The following NLGN3 variants were observed in gnomAD, a reference collection of about 807,000 sequenced individuals.
NLGN3 encodes neuroligin-3.
In NLGN3, 11 loss-of-function variants were observed where a neutral mutation model predicts 42.9. That is an observed-to-expected ratio of 0.26 (90% CI 0.16 to 0.42). The LOEUF is 0.42. Among genes scored for constraint, NLGN3 ranks in the 10% least tolerant of loss-of-function variants. The pLI, the probability that NLGN3 is intolerant of heterozygous loss-of-function variation, is 1.00. For missense variants in NLGN3, 374 were observed against 733.8 expected, an observed-to-expected ratio of 0.51 and a Z score of 5.67; for synonymous variants, 279 against 312.7, an observed-to-expected ratio of 0.89 and a Z score of 1.14.
At chrX:71,149,668 G>A (rs891684111) in intron 3 of NLGN3, among the ~76,000 whole-genome samples, 2 of 111,670 alleles carry the variant, frequency 1.8e-5, no homozygotes, top group African/African-American at 6.5e-5. Flanking sequence ...TTTTACAGAT[G>A]AGGAAACAGG....
Position 71,170,412 on chromosome X carries a change from CT to C in NLGN3, c.*316del, listed in dbSNP as rs1321452704. On this transcript the variant is annotated 3_prime_UTR_variant, in exon 8 of 8. Transcript: ENST00000358741. ...TCCCTGAATCTGACCACAGACACTCCTGGGGGGCCTGAAAGCAACAGCTGGA... is the reference window on the plus strand; with the variant it reads ...TCCCTGAATCTGACCACAGACACTCCGGGGGGCCTGAAAGCAACAGCTGGA... 1.0e-6 allele frequency: 1 copy of C among 961,153 alleles called. No homozygotes were observed. The highest frequency in any genetic ancestry group is 5.4e-5 in the East Asian group (1 of 18,673). 79.2% of individuals were successfully genotyped at this position (961,153 alleles called of 1,213,427 possible). A position where few individuals can be genotyped will look rare whatever the true frequency, so the allele number is the denominator to read the frequency against.
downstream of NLGN3, among the ~76,000 whole-genome samples, chrX:71,171,964 T>C (rs988562987): frequency 9.0e-6 from 1 of 111,493 alleles, no homozygotes; most frequent in Non-Finnish European, 1.9e-5. Flanking sequence ...AAAGCAGGAA[T>C]AGAATTCTTC....
At chrX:71,148,820 T>C in intron 2 of NLGN3, 26 bp from the exon 3 acceptor site, 1 of 1,135,297 alleles carries the variant, frequency 8.8e-7, no homozygotes, top group Non-Finnish European at 1.2e-6. Context: ...CTCCTGTTAT[T>C]TTTTAGTTTT....
At position 71,148,977 on chromosome X, in the gene NLGN3, A is replaced by G. The variant is rs2092381444; in HGVS notation, c.517+72A>G. 1.8e-5 allele frequency: 12 copies of G among 676,941 alleles called. No individual in the cohort carries two copies. The Admixed American group carries it at 5.0e-4, about 28-fold the overall frequency. 55.8% of individuals were successfully genotyped at this position (676,941 alleles called of 1,213,427 possible). ...TGCCTGCCCACCTGCCCTTGCCCCC[A>G]GGACCCAGCCTTCCTCCAAGTAGCC... On this transcript the variant is annotated intron_variant, in intron 3 of 7. Transcript: ENST00000358741.
chrX:71,168,875 GA>G (rs199965401), intron 7 of NLGN3, among the ~76,000 whole-genome samples: 2,438 of 71,630 alleles, frequency 0.034, 73 homozygotes, highest in Admixed American at 0.13. Context: ...GAAAGAGAAA[GA>G]AAAGAAAGAG....
At position 71,170,858 on chromosome X, in the gene NLGN3, T is replaced by C; in HGVS notation, c.*761T>C. ...CTGCAGAGCCTGCAGGGTGACCTGC[T>C]TCCCCAAAGGCCAACAGCATTGGCC... On this transcript the variant is annotated 3_prime_UTR_variant, in exon 8 of 8. Coordinates refer to ENST00000358741, the MANE Select transcript of NLGN3 (RefSeq NM_181303.2). 1.3e-6 allele frequency: 1 copy of C among 755,894 alleles called. No homozygotes were observed. Among genetic ancestry groups the C allele is most frequent in the Non-Finnish European group, 1.6e-6 (1 of 640,158 alleles). 62.3% of individuals were successfully genotyped at this position (755,894 alleles called of 1,213,427 possible).
chrX:71,162,199 C>T (rs2092432668), intron 5 of NLGN3, among the ~76,000 whole-genome samples: 1 of 110,177 alleles, frequency 9.1e-6, no homozygotes, highest in African/African-American at 3.3e-5. Flanking sequence ...TAACAGCTCA[C>T]TGCAGCCTTC....
chrX:71,148,257 C>A (rs1359734490), intron 2 of NLGN3, 51 bp downstream of exon 2: 4 of 1,022,056 alleles, frequency 3.9e-6, no homozygotes, highest in Non-Finnish European at 5.5e-6. Flanking sequence ...GCCTGCCCTG[C>A]TGTGTTTGTG....
intron 1 of NLGN3, among the ~76,000 whole-genome samples, chrX:71,145,815 G>C (rs1040157374): frequency 2.1e-4 from 21 of 99,590 alleles, no homozygotes; most frequent in Admixed American, 1.6e-3. Context: ...AATGTGGGGG[G>C]GTTGCTGGTG....
chrX:71,168,296 C>A (rs1040747802), intron 7 of NLGN3, among the ~76,000 whole-genome samples: 6 of 111,344 alleles, frequency 5.4e-5, no homozygotes, highest in Non-Finnish European at 9.4e-5. Context: ...GAGCTGTGAT[C>A]ACGCCACTGT....
chrX:71,170,178 CGCAG>C lies in NLGN3; in HGVS notation c.*82_*85del. ...ACATGCACACACACACACACACACA[CGCAG>C]ACACACACACACACACACATATATG... On this transcript the variant is annotated 3_prime_UTR_variant, in exon 8 of 8. Coordinates refer to ENST00000358741, the MANE Select transcript of NLGN3 (RefSeq NM_181303.2). 1.7e-6 allele frequency: 2 copies of C among 1,186,531 alleles called. No individual in the cohort carries two copies. Among genetic ancestry groups the C allele is most frequent in the Non-Finnish European group, 1.1e-6 (1 of 886,899 alleles).
chrX:71,150,286 G>C (rs763969096), intron 3 of NLGN3, among the ~76,000 whole-genome samples: 2 of 112,080 alleles, frequency 1.8e-5, no homozygotes, highest in East Asian at 5.6e-4. Flanking sequence ...AACTCACAGT[G>C]AGACCTTAGG....
intron 7 of NLGN3, among the ~76,000 whole-genome samples, chrX:71,168,808 G>GAGAAAAAAA (rs2092456525): frequency 2.4e-5 from 1 of 40,848 alleles, no homozygotes; most frequent in African/African-American, 1.9e-4. Flanking sequence ...GAGAAAGAAA[G>GAGAAAAAAA]AAAGAGAAAA....
chrX:71,154,729 CTCTG>C (rs1241917320), intron 4 of NLGN3, among the ~76,000 whole-genome samples: 1 of 111,779 alleles, frequency 8.9e-6, no homozygotes, highest in East Asian at 2.8e-4. Context: ...CACCTCTTGT[CTCTG>C]TCTGCACTGG....
In NLGN3 at chrX:71,169,614, C is replaced by T. The variant is rs368751962; in HGVS notation, c.2064C>T (p.Asn688=). 3.5e-5 allele frequency: 42 copies of T among 1,210,647 alleles called. No individual in the cohort carries two copies. Among genetic ancestry groups the T allele is most frequent in the Non-Finnish European group, 4.4e-5 (39 of 895,237 alleles). Residue 688 remains asparagine (N), a synonymous_variant, in exon 8 of 8, where the codon AAC becomes AAT. Transcript: ENST00000358741. ...YSNENAQGSW[N]GDQDAGPLLV... is the part of the protein sequence containing the mutation. ...ACGAGAATGCCCAGGGGTCCTGGAA[C>T]GGGGACCAGGATGCAGGGCCACTCC...
At chrX:71,159,528 A>AC (rs964784676) in intron 5 of NLGN3, among the ~76,000 whole-genome samples, 3 of 110,291 alleles carry the variant, frequency 2.7e-5, no homozygotes, top group African/African-American at 9.9e-5. Context: ...ATCACCGAAA[A>AC]CTCAGAAGGA....
chrX:71,172,627 C>CATGTGTGTGTGTGTGTGT (rs376125375), downstream of NLGN3, among the ~76,000 whole-genome samples: 21 of 100,525 alleles, frequency 2.1e-4, no homozygotes, highest in African/African-American at 6.3e-4. Flanking sequence ...TGTGTGCATG[C>CATGTGTGTGTGTGTGTGT]GTGTGTGTGT....
chrX:71,174,700 G>A (rs895119156), downstream of NLGN3, among the ~76,000 whole-genome samples: 2 of 111,886 alleles, frequency 1.8e-5, no homozygotes, highest in Admixed American at 1.9e-4. Context: ...TATACATGTG[G>A]GGTGGGTAAA....
At chrX:71,171,311 C>A, downstream of NLGN3, 1 of 199,894 alleles carries the variant, frequency 5.0e-6, no homozygotes, top group Non-Finnish European at 6.6e-6. Context: ...TATCTTTAAG[C>A]TGAGTCTGGG....
Sources: gnomAD v4.1 joint callset for allele counts (sites outside exome capture counted in the v4.1 genomes callset) on GRCh38, gnomAD v4.1.1 for gene constraint, MANE v1.5 for transcripts, NCBI Gene and HGNC (gene_info 2026-07-23, HGNC 2026-07-21) for gene names.